Variants in ITGB3BP observed in about 807,000 individuals in gnomAD.
ITGB3BP encodes the protein integrin subunit beta 3 binding protein.
ITGB3BP carries 27 observed loss-of-function variants against 29.1 expected under a neutral mutation model. The ratio of observed to expected loss-of-function variants is 0.93; its 90% confidence interval spans 0.68 to 1.28. The LOEUF (loss-of-function observed/expected upper bound fraction) is 1.28. Among genes scored for constraint, ITGB3BP ranks in the 50% most tolerant of loss-of-function variants. The pLI is 0.00. For synonymous variants in ITGB3BP, 61 were observed against 61.4 expected (o/e 0.99, Z 0.03); for missense variants, 192 against 200.2 (o/e 0.96, Z 0.25).
intron 4 of ITGB3BP, among the ~76,000 whole-genome samples, chr1:63,463,133 C>T (rs567873696): frequency 1.3e-5 from 2 of 150,760 alleles, no homozygotes; most frequent in Admixed American, 6.7e-5. Flanking sequence ...CCTATAATCC[C>T]AGCTATCTGG....
rs770497401 is a variant in ITGB3BP at position 63,466,244 on chromosome 1, C to T, written c.255-11276G>A. On this transcript the variant is annotated intron_variant, in intron 4 of 8. Transcript: ENST00000271002. ...ACATTTACCCAGATACGTTTCATTC[C>T]TAAGAAAAGCCTCTTGGCAATACGT... Among the ~76,000 whole-genome samples the T allele has an allele frequency of 4.6e-5, 7 of 151,844 alleles. No individual in the cohort carries two copies. In the South Asian group the frequency reaches 8.3e-4, roughly 18 times the overall value.
chr1:63,473,416 CT>C (rs1645250175), intron 4 of ITGB3BP, among the ~76,000 whole-genome samples: 2 of 142,160 alleles, frequency 1.4e-5, no homozygotes, highest in African/African-American at 5.6e-5. Flanking sequence ...CCGGCCGCCC[CT>C]ACTGGGAAGT....
In ITGB3BP at chr1:63,455,135, C is replaced by T. The variant is rs183992645; in HGVS notation, c.255-167G>A. Reference sequence around the variant, plus strand: ...TCCCCTCTTTTGGAGTTTTACTTTCCGATTCCCACTGAGCAGTGGGATGGA... The same window carrying T: ...TCCCCTCTTTTGGAGTTTTACTTTCTGATTCCCACTGAGCAGTGGGATGGA... On this transcript the variant is annotated intron_variant, in intron 4 of 8. Coordinates refer to ENST00000271002, the MANE Select transcript of ITGB3BP (RefSeq NM_014288.5). Among the ~76,000 whole-genome samples, 5 of 152,150 alleles carry T rather than the reference C, an allele frequency of 3.3e-5. No individual in the cohort carries two copies. In the East Asian group the frequency reaches 9.7e-4, roughly 29 times the overall value.
intron 4 of ITGB3BP, 68 bp from the exon 5 acceptor site, chr1:63,455,036 G>T: frequency 3.9e-6 from 3 of 767,948 alleles, no homozygotes; most frequent in Admixed American, 2.2e-5. Context: ...CATTTTCAGA[G>T]CTTTAACTCT....
chr1:63,472,163 T>C (rs1645209584), intron 4 of ITGB3BP, among the ~76,000 whole-genome samples: 1 of 152,048 alleles, frequency 6.6e-6, no homozygotes, highest in Admixed American at 6.6e-5. Context: ...TTTCCATTAT[T>C]TTTCGGTTTG....
intron 8 of ITGB3BP, among the ~76,000 whole-genome samples, chr1:63,444,228 T>G (rs974236554): frequency 3.3e-5 from 5 of 152,062 alleles, no homozygotes; most frequent in African/African-American, 4.8e-5. Flanking sequence ...AAAGCTATTC[T>G]CAGTACTCTG....
chr1:63,453,535 T>G (rs1416365180), intron 7 of ITGB3BP: 1 of 164,438 alleles, frequency 6.1e-6, no homozygotes, highest in African/African-American at 2.4e-5. Context: ...GTTTCCAGAA[T>G]ACTAGTTAGA....
chr1:63,475,144 TA>T (rs965448149), intron 4 of ITGB3BP, among the ~76,000 whole-genome samples: 1 of 151,316 alleles, frequency 6.6e-6, no homozygotes, highest in Non-Finnish European at 1.5e-5. Context: ...CCACCTAATT[TA>T]AAAAAAAATT....
chr1:63,455,775 AATCTAT>A (rs1388898454), intron 4 of ITGB3BP, among the ~76,000 whole-genome samples: 1 of 152,182 alleles, frequency 6.6e-6, no homozygotes, highest in Non-Finnish European at 1.5e-5. Context: ...TGTTTGTGAT[AATCTAT>A]ATCAACACAG....
At chr1:63,473,363 G>C (rs1483768458) in intron 4 of ITGB3BP, among the ~76,000 whole-genome samples, 1 of 138,494 alleles carries the variant, frequency 7.2e-6, no homozygotes, top group African/African-American at 2.7e-5. Flanking sequence ...TCAGCCCCCC[G>C]CCCGGCCAGC....
chr1:63,447,195 C>G, intron 7 of ITGB3BP: 1 of 266,094 alleles, frequency 3.8e-6, no homozygotes, highest in Non-Finnish European at 7.2e-6. Flanking sequence ...CTATGTCTGC[C>G]TTGTTTGTCA....
At chr1:63,486,949 G>A (rs1645542500) in intron 3 of ITGB3BP, among the ~76,000 whole-genome samples, 1 of 152,070 alleles carries the variant, frequency 6.6e-6, no homozygotes. Context: ...AATTATTACA[G>A]TAGCACAGTA....
intron 4 of ITGB3BP, among the ~76,000 whole-genome samples, chr1:63,472,666 G>C (rs1317460834): frequency 6.6e-6 from 1 of 150,792 alleles, no homozygotes; most frequent in Non-Finnish European, 1.5e-5. Flanking sequence ...TGGTGGAGAC[G>C]GGGTTTTGCT....
chr1:63,454,925 T>C lies in ITGB3BP; in HGVS notation c.298A>G (p.Ile100Val). 1 of 1,568,258 alleles carries C rather than the reference T, an allele frequency of 6.4e-7. No individual in the cohort carries two copies. The highest frequency in any genetic ancestry group is 8.8e-7 in the Non-Finnish European group (1 of 1,139,544). Reference protein sequence around the residue: ...LSKVEKLSEEIMEIMQNLSSI... With the variant: ...LSKVEKLSEEVMEIMQNLSSI... ...CTTAAATTTTGCATTATCTCCATGA[T>C]TTCTTCTGACAATTTCTCAACTTTT... The change falls in exon 5 of 9, where the codon ATC becomes GTC. Residue 100 changes from isoleucine (I) to valine (V), a missense_variant. Transcript: ENST00000271002. The surrounding 1 kb of genome is among the most constrained non-coding windows in gnomAD (Gnocchi z 4.1).
chr1:63,481,264 T>C (rs1645432333), intron 3 of ITGB3BP, among the ~76,000 whole-genome samples: 1 of 152,134 alleles, frequency 6.6e-6, no homozygotes, highest in African/African-American at 2.4e-5. Context: ...AGTATTAACC[T>C]CAGTCTTCTC....
chr1:63,510,536 G>A (rs1259217707), intron 1 of ITGB3BP, among the ~76,000 whole-genome samples: 1 of 152,106 alleles, frequency 6.6e-6, no homozygotes, highest in South Asian at 2.1e-4. Flanking sequence ...TATTTACTGA[G>A]GGTAGTGTAC....
intron 1 of ITGB3BP, among the ~76,000 whole-genome samples, chr1:63,516,390 GAAAA>G (rs1325581687): frequency 6.8e-6 from 1 of 147,474 alleles, no homozygotes; most frequent in Non-Finnish European, 1.5e-5. Context: ...GAAAAGGAAA[GAAAA>G]GAAAGAAAAC....
intron 4 of ITGB3BP, among the ~76,000 whole-genome samples, chr1:63,460,949 T>C (rs893098071): frequency 2.0e-5 from 3 of 151,892 alleles, no homozygotes; most frequent in Non-Finnish European, 2.9e-5. Flanking sequence ...TCAAGAAATA[T>C]CTACTCAAGG....
intron 8 of ITGB3BP, chr1:63,442,657 T>G (rs570136224): frequency 6.6e-6 from 1 of 152,234 alleles, no homozygotes; most frequent in African/African-American, 2.4e-5. Context: ...GCCTGCCATG[T>G]TGGGGGTTAT....
Sources: gnomAD v4.1 joint callset for allele counts (sites outside exome capture counted in the v4.1 genomes callset) on GRCh38, gnomAD v4.1.1 for gene constraint, Gnocchi (gnomAD v3.1) non-coding constraint, MANE v1.5 for transcripts, NCBI Gene and HGNC (gene_info 2026-07-23, HGNC 2026-07-21) for gene names.